The following DSCAML1 variants were observed in gnomAD, a reference collection of about 807,000 sequenced individuals.
DSCAML1 encodes the protein DS cell adhesion molecule like 1.
DSCAML1 carries 38 observed loss-of-function variants against 200.5 expected under a neutral mutation model. That is an observed-to-expected ratio of 0.19 (90% CI 0.15 to 0.25). The LOEUF (loss-of-function observed/expected upper bound fraction) is 0.25, where lower values mean the gene tolerates loss of function less well. Among genes scored for constraint, DSCAML1 ranks in the 10% least tolerant of loss-of-function variants. DSCAML1 has a pLI of 1.00. For synonymous variants in DSCAML1, 1,215 were observed against 1,165.0 expected (o/e 1.04, Z -0.87); for missense variants, 2,223 against 2,858.8 (o/e 0.78, Z 5.07).
intron 4 of DSCAML1, among the ~76,000 whole-genome samples, chr11:117,526,905 A>G (rs561657675): frequency 3.9e-5 from 6 of 152,306 alleles, no homozygotes; most frequent in African/African-American, 1.4e-4. Context: ...TGGGAGGCTG[A>G]GGTGGGAAGA....
Position 117,642,227 on chromosome 11 carries a change from T to G in DSCAML1, c.512-109705A>C, listed in dbSNP as rs748605253. On this transcript the variant is annotated intron_variant, in intron 3 of 32. Coordinates refer to ENST00000651296, the MANE Select transcript of DSCAML1 (RefSeq NM_020693.4). This position sits in a 1 kb window ranked among gnomAD's most constrained non-coding sequence, Gnocchi z 4.1. ...GGTATCTGAGTCTCTAGCCCACTTT[T>G]GGACACCATAGTGCTAGCCACTGCA... is the stretch of plus-strand genomic sequence containing the variant. 5.9e-5 allele frequency among the ~76,000 whole-genome samples: 9 copies of G among 152,202 alleles called. No individual in the cohort carries two copies. The highest frequency in any genetic ancestry group is 1.3e-4 in the Non-Finnish European group (9 of 68,030).
chr11:117,591,509 C>A (rs2051258780), intron 3 of DSCAML1, among the ~76,000 whole-genome samples: 2 of 152,250 alleles, frequency 1.3e-5, no homozygotes, highest in African/African-American at 4.8e-5. Flanking sequence ...CTGCAGGAAT[C>A]TGCGAGTGCT....
chr11:117,445,328 G>A (rs924969405), intron 20 of DSCAML1, among the ~76,000 whole-genome samples: 2 of 143,700 alleles, frequency 1.4e-5, no homozygotes, highest in African/African-American at 4.9e-5. Flanking sequence ...GAATCCAGGA[G>A]GTCCGGGGGG....
At chr11:117,690,234 G>A (rs1382503797) in intron 3 of DSCAML1, among the ~76,000 whole-genome samples, 3 of 152,250 alleles carry the variant, frequency 2.0e-5, no homozygotes, top group African/African-American at 4.8e-5. Flanking sequence ...TAAGAGCTGG[G>A]CACTGTGCTG....
chr11:117,609,630 C>T (rs1451852736), intron 3 of DSCAML1, among the ~76,000 whole-genome samples: 3 of 152,142 alleles, frequency 2.0e-5, no homozygotes, highest in Admixed American at 2.0e-4. Context: ...CCTCTATATT[C>T]TTATCAACTC....
At chr11:117,725,230 C>T (rs538230315) in intron 3 of DSCAML1, among the ~76,000 whole-genome samples, 97 of 152,326 alleles carry the variant, frequency 6.4e-4, no homozygotes, top group Non-Finnish European at 8.2e-4. Context: ...GGGCCCTCCA[C>T]ACCACTGTCT....
chr11:117,601,169 C>T (rs2051459178), intron 3 of DSCAML1, among the ~76,000 whole-genome samples: 1 of 151,934 alleles, frequency 6.6e-6, no homozygotes, highest in South Asian at 2.1e-4. Context: ...GTCCCCACCC[C>T]CACCTCTAGC....
intron 3 of DSCAML1, among the ~76,000 whole-genome samples, chr11:117,651,539 A>G (rs2052631669): frequency 7.9e-5 from 12 of 151,290 alleles, no homozygotes. Flanking sequence ...TCCTGTCTCT[A>G]CTAAAAATAC....
chr11:117,663,792 G>A (rs2052915699), intron 3 of DSCAML1, among the ~76,000 whole-genome samples: 2 of 152,122 alleles, frequency 1.3e-5, no homozygotes, highest in Non-Finnish European at 2.9e-5. Flanking sequence ...GGGGAGGAAG[G>A]TAAAAGAGAA....
intron 3 of DSCAML1, among the ~76,000 whole-genome samples, chr11:117,738,695 G>T (rs992022152): frequency 4.6e-5 from 7 of 152,162 alleles, no homozygotes; most frequent in Admixed American, 3.3e-4. Context: ...CAGGGAAGAG[G>T]TTTAGCATGA....
chr11:117,797,684 T>C (rs1466940077), upstream of DSCAML1, among the ~76,000 whole-genome samples: 4 of 144,828 alleles, frequency 2.8e-5, no homozygotes, highest in African/African-American at 1.0e-4. Context: ...CCAAAGTTCA[T>C]AGCTGCCCTT....
rs1387716171 is a variant in DSCAML1, at chr11:117,489,924, G to A, written c.2360-7762C>T. Among the ~76,000 whole-genome samples, 1 of 152,218 alleles carries A rather than the reference G, an allele frequency of 6.6e-6. No homozygotes were observed. The highest frequency in any genetic ancestry group is 2.1e-4 in the South Asian group (1 of 4,830). ...TTTGTGGAAAGGAGAGCTTTACTGG[G>A]TATCTTTGCCGTCCTCCTCCAGTGC... On this transcript the variant is annotated intron_variant, in intron 11 of 32. Transcript: ENST00000651296. This position sits in a 1 kb window ranked among gnomAD's most constrained non-coding sequence, Gnocchi z 4.8.
intron 3 of DSCAML1, among the ~76,000 whole-genome samples, chr11:117,622,862 G>A (rs1213573710): frequency 1.3e-5 from 2 of 152,140 alleles, no homozygotes; most frequent in Non-Finnish European, 2.9e-5. Context: ...GATTCAATAA[G>A]TAATACAGAT....
chr11:117,436,562 C>T (rs535678958), intron 26 of DSCAML1, among the ~76,000 whole-genome samples: 1 of 152,028 alleles, frequency 6.6e-6, no homozygotes, highest in Admixed American at 6.5e-5. Flanking sequence ...GTGTATGTAT[C>T]CCCATGTGGC....
At chr11:117,572,535 C>CT (rs2050864097) in intron 3 of DSCAML1, among the ~76,000 whole-genome samples, 1 of 152,316 alleles carries the variant, frequency 6.6e-6, no homozygotes, top group African/African-American at 2.4e-5. Flanking sequence ...GCCCCATCCC[C>CT]TTTAGTGAAG....
Position 117,518,588 on chromosome 11 carries a change from T to C in DSCAML1, c.1388A>G (p.Asp463Gly). ...SHRTNQYTMSDGTTISHMNVT... is the reference protein window; with the variant it reads ...SHRTNQYTMSGGTTISHMNVT... Reference sequence around the variant, plus strand: ...GTTCATGTGGCTGATGGTGGTGCCGTCCGACATGGTGTACTGGTTGGTGCG... The same window carrying C: ...GTTCATGTGGCTGATGGTGGTGCCGCCCGACATGGTGTACTGGTTGGTGCG... The change falls in exon 7 of 33, where the codon GAC (aspartate) becomes GGC (glycine). Residue 463 changes from aspartate (D) to glycine (G), a missense_variant. Physicochemically the swap from Asp to Gly is moderately conservative, Grantham distance 94. This residue lies in a region of DSCAML1 where 579 missense variants were observed against 721.5 expected (regional missense o/e 0.80). Coordinates refer to ENST00000651296, the MANE Select transcript of DSCAML1 (RefSeq NM_020693.4). This position sits in a 1 kb window ranked among gnomAD's most constrained non-coding sequence, Gnocchi z 6.3. 8.7e-6 allele frequency: 14 copies of C among 1,614,036 alleles called. No homozygotes were observed. The highest frequency in any genetic ancestry group is 1.2e-5 in the Non-Finnish European group (14 of 1,180,002).
At chr11:117,536,315 G>T (rs1165499079) in intron 3 of DSCAML1, among the ~76,000 whole-genome samples, 1 of 152,216 alleles carries the variant, frequency 6.6e-6, no homozygotes, top group Non-Finnish European at 1.5e-5. Flanking sequence ...GATGGAGACG[G>T]GCCAGGGTTG....
chr11:117,732,422 T>C (rs2054238495), intron 3 of DSCAML1, among the ~76,000 whole-genome samples: 1 of 152,182 alleles, frequency 6.6e-6, no homozygotes, highest in Non-Finnish European at 1.5e-5. Context: ...CTTGTTCTGC[T>C]ACTAACAAGC....
intron 3 of DSCAML1, among the ~76,000 whole-genome samples, chr11:117,556,884 C>A (rs1037172063): frequency 6.6e-6 from 1 of 152,188 alleles, no homozygotes; most frequent in African/African-American, 2.4e-5. Flanking sequence ...TTCTTAGCTG[C>A]AGTATGAATC....
Sources: gnomAD v4.1 joint callset for allele counts (sites outside exome capture counted in the v4.1 genomes callset) on GRCh38, gnomAD v4.1.1 for gene constraint, gnomAD v4.1.1 regional missense constraint, Gnocchi (gnomAD v3.1) non-coding constraint, MANE v1.5 for transcripts, NCBI Gene and HGNC (gene_info 2026-07-23, HGNC 2026-07-21) for gene names.